Variants in PHF8 observed in about 807,000 individuals in gnomAD.
PHF8 encodes the protein histone lysine demethylase PHF8.
A neutral mutation model predicts 74.4 loss-of-function variants in PHF8; 9 were observed. That is an observed-to-expected ratio of 0.12 (90% CI 0.07 to 0.21). The LOEUF (loss-of-function observed/expected upper bound fraction) is 0.21, where lower values mean the gene tolerates loss of function less well. PHF8 is among the 10% of genes least tolerant of loss of function. PHF8 has a pLI of 1.00. For synonymous variants in PHF8, 311 were observed against 316.6 expected (o/e 0.98, Z 0.19); for missense variants, 478 against 816.6 (o/e 0.59, Z 5.05).
At chrX:54,016,534 G>T in intron 6 of PHF8, 61 bp downstream of exon 6, 4 of 926,489 alleles carry the variant, frequency 4.3e-6, no homozygotes, top group Non-Finnish European at 4.7e-6. Flanking sequence ...ATATACACTA[G>T]ATATATCACA....
intron 19 of PHF8, among the ~76,000 whole-genome samples, chrX:53,955,245 T>G (rs782587380): frequency 6.3e-5 from 7 of 110,977 alleles, no homozygotes; most frequent in African/African-American, 2.3e-4. Context: ...ATCTCTATTT[T>G]TATTTCTATT....
intron 2 of PHF8, among the ~76,000 whole-genome samples, chrX:54,024,055 G>T (rs1035636420): frequency 1.8e-5 from 2 of 111,094 alleles, no homozygotes; most frequent in African/African-American, 6.5e-5. Flanking sequence ...TAAACCAGCA[G>T]CTTATCAATA....
chrX:53,953,284 A>C (rs1338801904), intron 19 of PHF8, among the ~76,000 whole-genome samples: 3 of 104,553 alleles, frequency 2.9e-5, no homozygotes, highest in South Asian at 4.3e-4. Context: ...AAAAAAAAAA[A>C]AACAAAACAA....
intron 8 of PHF8, among the ~76,000 whole-genome samples, chrX:54,004,122 G>A (rs186386714): frequency 4.3e-4 from 48 of 111,967 alleles, no homozygotes; most frequent in Non-Finnish European, 8.5e-4. Flanking sequence ...GCCCTAAGTA[G>A]ATTGCACCCG....
chrX:53,977,820 G>T (rs1557096639), intron 18 of PHF8, among the ~76,000 whole-genome samples: 2 of 107,207 alleles, frequency 1.9e-5, no homozygotes, highest in Admixed American at 1.0e-4. Context: ...CTAATTTTTT[G>T]TATTTTTAGT....
intron 2 of PHF8, among the ~76,000 whole-genome samples, chrX:54,041,779 C>A (rs2066560255): frequency 8.9e-6 from 1 of 112,321 alleles, no homozygotes; most frequent in African/African-American, 3.2e-5. Context: ...TTTCTGCCTC[C>A]ATTTATGGAG....
intron 21 of PHF8, among the ~76,000 whole-genome samples, chrX:53,939,752 G>A (rs1184607881): frequency 9.0e-6 from 1 of 110,829 alleles, no homozygotes; most frequent in Non-Finnish European, 1.9e-5. Context: ...CCAAAGTGAG[G>A]GAAAGGAAGG....
At chrX:53,996,610 G>C (rs782403012) in intron 11 of PHF8, among the ~76,000 whole-genome samples, 31 of 110,302 alleles carry the variant, frequency 2.8e-4, no homozygotes, top group Non-Finnish European at 7.6e-5. Context: ...GTGGTGTGGT[G>C]GTCTCGGCTC....
chrX:54,045,572 A>C (rs1214347692), upstream of PHF8, among the ~76,000 whole-genome samples: 1 of 112,301 alleles, frequency 8.9e-6, no homozygotes, highest in African/African-American at 3.2e-5. Context: ...CTGCAAAATG[A>C]CCTTTGCAAA....
chrX:54,031,386 C>T (rs920403907), intron 2 of PHF8, among the ~76,000 whole-genome samples: 1 of 109,908 alleles, frequency 9.1e-6, no homozygotes, highest in Non-Finnish European at 1.9e-5. Context: ...CTGAAGCATC[C>T]ACCATTCCCA....
At position 53,937,642 on chromosome X, in the gene PHF8, G is replaced by A. The variant is rs1288007366; in HGVS notation, c.*1516C>T. On this transcript the variant is annotated 3_prime_UTR_variant, in exon 22 of 22. Transcript: ENST00000338154. ...TAAAGGAACCCCTGATTCCAAGGAAGGAAAGTAGAGGCAGGGCTATGGAGA... is the reference window on the plus strand; with the variant it reads ...TAAAGGAACCCCTGATTCCAAGGAAAGAAAGTAGAGGCAGGGCTATGGAGA... 5.1e-6 allele frequency: 1 copy of A among 196,972 alleles called. No individual in the cohort carries two copies. Among genetic ancestry groups the A allele is most frequent in the East Asian group, 9.5e-5 (1 of 10,501 alleles). The allele number at this position is 196,972 out of a possible 1,213,427, so 16.2% of individuals were successfully genotyped here. A position where few individuals can be genotyped will look rare whatever the true frequency, so the allele number is the denominator to read the frequency against.
intron 19 of PHF8, among the ~76,000 whole-genome samples, chrX:53,955,330 T>G (rs1043582053): frequency 1.4e-4 from 16 of 110,829 alleles, no homozygotes; most frequent in Non-Finnish European, 3.8e-5. Flanking sequence ...CCTCCCATCT[T>G]ACCTTTCCAA....
At chrX:54,017,120 A>T (rs2066083902) in intron 5 of PHF8, among the ~76,000 whole-genome samples, 2 of 112,936 alleles carry the variant, frequency 1.8e-5, no homozygotes, top group African/African-American at 6.4e-5. Flanking sequence ...TTCCCAGGTA[A>T]AAAACGGAGC....
chrX:53,957,052 A>T (rs1329001291), intron 19 of PHF8, among the ~76,000 whole-genome samples: 1 of 109,841 alleles, frequency 9.1e-6, no homozygotes, highest in Non-Finnish European at 1.9e-5. Context: ...CTCTACTAAA[A>T]ATACAAAAAA....
chrX:54,027,058 A>C (rs1378457086), intron 2 of PHF8, among the ~76,000 whole-genome samples: 1 of 111,294 alleles, frequency 9.0e-6, no homozygotes, highest in Non-Finnish European at 1.9e-5. Context: ...CTATCACAAC[A>C]AAAGTACTAT....
chrX:54,021,617 C>T (rs889867279), intron 4 of PHF8, among the ~76,000 whole-genome samples: 42 of 107,166 alleles, frequency 3.9e-4, no homozygotes, highest in Admixed American at 1.2e-3. Context: ...TACAGGCGCC[C>T]GCCACTACGC....
chrX:53,939,089 A>G lies in PHF8; in HGVS notation c.*69T>C. ...TTGTCCAGGGCAGATAGGATCCAGG[A>G]GTGCCCCAAGAGTTGACAATGGAGA... is the stretch of plus-strand genomic sequence containing the variant. On this transcript the variant is annotated 3_prime_UTR_variant, in exon 22 of 22. Coordinates refer to ENST00000338154, the MANE Select transcript of PHF8 (RefSeq NM_015107.3). 1.7e-6 allele frequency: 2 copies of G among 1,192,844 alleles called. No homozygotes were observed. The highest frequency in any genetic ancestry group is 3.8e-5 in the South Asian group (2 of 53,042).
rs782363250 is a variant in PHF8, at chrX:54,009,844, G to GAA, written c.946+1276_946+1277dup. Among the ~76,000 whole-genome samples, 7 of 9,388 alleles carry GAA rather than the reference G, an allele frequency of 7.5e-4. 3 individuals are homozygous for GAA. The highest frequency in any genetic ancestry group is 2.3e-3 in the Non-Finnish European group (5 of 2,201). 8.2% of individuals were successfully genotyped at this position (9,388 alleles called of 115,157 possible). A position where few individuals can be genotyped will look rare whatever the true frequency, so the allele number is the denominator to read the frequency against. On this transcript the variant is annotated intron_variant, in intron 8 of 21. Coordinates refer to ENST00000338154, the MANE Select transcript of PHF8 (RefSeq NM_015107.3). ...GGTGACAGAGTGAGACTCTGTCTCA[G>GAA]AAAAAAAAAAAAAAAAAAAAAAAAA...
At chrX:53,959,064 C>A (rs2065061155) in intron 19 of PHF8, among the ~76,000 whole-genome samples, 1 of 110,742 alleles carries the variant, frequency 9.0e-6, no homozygotes, top group African/African-American at 3.3e-5. Flanking sequence ...TATCTTGTAG[C>A]CATTAAAAAT....
Sources: gnomAD v4.1 joint callset for allele counts (sites outside exome capture counted in the v4.1 genomes callset) on GRCh38, gnomAD v4.1.1 for gene constraint, MANE v1.5 for transcripts, NCBI Gene and HGNC (gene_info 2026-07-23, HGNC 2026-07-21) for gene names.